The following KDM8 variants were observed in gnomAD, a reference collection of about 807,000 sequenced individuals.
KDM8 encodes the protein bifunctional peptidase and arginyl-hydroxylase JMJD5.
A neutral mutation model predicts 46.9 loss-of-function variants in KDM8; 35 were observed. That is an observed-to-expected ratio of 0.75 (90% confidence interval 0.57 to 0.99). The LOEUF is 0.99. Ranked by LOEUF, KDM8 falls within the 50% of genes least tolerant of loss-of-function variation. KDM8 has a pLI of 0.00. For missense variants in KDM8, 475 were observed against 537.0 expected (o/e 0.88, Z 1.14); for synonymous variants, 232 against 227.7 (o/e 1.02, Z -0.17).
In KDM8 at chr16:27,218,982, A is replaced by G. The variant is rs1210813610; in HGVS notation, c.865A>G (p.Ile289Val). 6.2e-7 allele frequency: 1 copy of G among 1,614,122 alleles called. No homozygotes were observed. The highest frequency in any genetic ancestry group is 1.1e-5 in the South Asian group (1 of 91,072). ...ACAGATCCCGGAGTTGAAGCAGGAC[A>G]TCAGCATCCCCGACTACTGCAGCCT... ...FDQIPELKQD[I>V]SIPDYCSLGD... Residue 289 changes from isoleucine to valine, a missense_variant, in exon 6 of 8, where the codon ATC becomes GTC. Physicochemically the swap from Ile to Val is conservative, Grantham distance 29 (BLOSUM62 3). Coordinates refer to ENST00000286096, the MANE Select transcript of KDM8 (RefSeq NM_024773.3).
At chr16:27,204,182 G>A in intron 1 of KDM8, 2 of 1,492,548 alleles carry the variant, frequency 1.3e-6, no homozygotes, top group East Asian at 2.8e-5. Flanking sequence ...CGGGGTACGG[G>A]GGACCCTCTG....
chr16:27,215,884 G>T, intron 4 of KDM8, 61 bp from the exon 5 acceptor site: 1 of 1,536,400 alleles, frequency 6.5e-7, no homozygotes. Context: ...AGCAGCAGGA[G>T]GGCATCTGTC....
rs1375367931 is a variant in KDM8 at position 27,210,410 on chromosome 16, C to T, written c.287C>T (p.Ala96Val). 6.2e-7 allele frequency: 1 copy of T among 1,608,636 alleles called. No homozygotes were observed. The highest frequency in any genetic ancestry group is 1.1e-5 in the South Asian group (1 of 91,000). The change falls in exon 2 of 8, where the codon GCC (alanine) becomes GTC (valine). Residue 96 changes from alanine (A) to valine (V), a missense_variant. Ala to Val is a moderately conservative substitution (Grantham distance 64). Transcript: ENST00000286096. ...DVDKDWRRVYAIGCLLKALCL... is the reference protein window; with the variant it reads ...DVDKDWRRVYVIGCLLKALCL... ...GACAAAGACTGGCGCCGGGTCTACG[C>T]CATCGGCTGCCTCCTGAAAGCCCTG...
chr16:27,207,312 G>A (rs1008891265), intron 1 of KDM8, among the ~76,000 whole-genome samples: 2 of 152,232 alleles, frequency 1.3e-5, no homozygotes, highest in African/African-American at 2.4e-5. Context: ...CAGAGGCTGA[G>A]GCAGGAGAAT....
At chr16:27,213,884 C>A in intron 3 of KDM8, 133 bp downstream of exon 3, 2 of 842,656 alleles carry the variant, frequency 2.4e-6, no homozygotes, top group Non-Finnish European at 3.6e-6. Flanking sequence ...TGACTGATTG[C>A]CAAGGGGTTA....
At chr16:27,206,955 G>A (rs1469939023) in intron 1 of KDM8, among the ~76,000 whole-genome samples, 1 of 152,242 alleles carries the variant, frequency 6.6e-6, no homozygotes, top group Non-Finnish European at 1.5e-5. Flanking sequence ...GCTAACAGGA[G>A]CCAATGTGAG....
chr16:27,209,155 G>A (rs1386979608), intron 1 of KDM8, among the ~76,000 whole-genome samples: 2 of 152,262 alleles, frequency 1.3e-5, no homozygotes, highest in East Asian at 1.9e-4. Flanking sequence ...AGGAGAGGGT[G>A]CTGAGATCAG....
At chr16:27,216,105 G>C in intron 5 of KDM8, 116 bp downstream of exon 5, 1 of 1,129,814 alleles carries the variant, frequency 8.9e-7, no homozygotes, top group Non-Finnish European at 1.3e-6. Context: ...CAGCAGGTGA[G>C]GCTAGGAAGG....
intron 2 of KDM8, among the ~76,000 whole-genome samples, chr16:27,211,987 T>C (rs2083489000): frequency 6.6e-6 from 1 of 152,156 alleles, no homozygotes; most frequent in Admixed American, 6.5e-5. Context: ...AAAATGCAAG[T>C]GGTTGACACT....
rs761229989 is a variant in KDM8 at position 27,219,011 on chromosome 16, C to T, written c.894C>T (p.Gly298=). The change falls in exon 6 of 8, where the codon GGC becomes GGT. Residue 298 remains glycine (G), a synonymous_variant. Transcript: ENST00000286096. ...GCATCCCCGACTACTGCAGCCTGGGCGATGGGGAGGAGGAGGAAATCACCA... is the reference window on the plus strand; with the variant it reads ...GCATCCCCGACTACTGCAGCCTGGGTGATGGGGAGGAGGAGGAAATCACCA... ...DISIPDYCSL[G]DGEEEEITIN... 10 of 1,613,872 alleles carry T rather than the reference C, an allele frequency of 6.2e-6. No homozygotes were observed. The highest frequency in any genetic ancestry group is 3.3e-5 in the South Asian group (3 of 91,064).
chr16:27,203,973 C>G lies in KDM8; in HGVS notation c.-32+337C>G, dbSNP rs143047424. The G allele has an allele frequency of 2.4e-4, 178 of 748,990 alleles. 1 individual carries two copies. In the African/African-American group the frequency reaches 3.0e-3, roughly 13 times the overall value. The allele number at this position is 748,990 out of a possible 1,614,324, so 46.4% of individuals were successfully genotyped here. The stretch of plus-strand genomic sequence containing the variant: ...TTCTTGGCGTCGCGTTGGTGTAGGC[C>G]TAGTGCGCCTGCGCGGGTTTTATAC... On this transcript the variant is annotated intron_variant, in intron 1 of 7. Transcript: ENST00000286096.
In KDM8 at chr16:27,215,793, A is replaced by G; in HGVS notation, c.799-152A>G. On this transcript the variant is annotated intron_variant, in intron 4 of 7. Transcript: ENST00000286096. ...TGGAGAGGTTCTTTGAAGCTGCCCCAGGGCCTCTAAGGGTTGGAGAGGACC... is the reference window on the plus strand; with the variant it reads ...TGGAGAGGTTCTTTGAAGCTGCCCCGGGGCCTCTAAGGGTTGGAGAGGACC... 1.0e-5 allele frequency: 8 copies of G among 762,538 alleles called. No individual in the cohort carries two copies. The South Asian group carries it at 1.2e-4, about 12-fold the overall frequency. The allele number at this position is 762,538 out of a possible 1,614,324, so 47.2% of individuals were successfully genotyped here.
chr16:27,214,546 A>G lies in KDM8; in HGVS notation c.666-330A>G, dbSNP rs903388704. On this transcript the variant is annotated intron_variant, in intron 3 of 7. Coordinates refer to ENST00000286096, the MANE Select transcript of KDM8 (RefSeq NM_024773.3). ...ACTGCCACCTGCCACGCTGTCCGCT[A>G]TTTGTTCAAAGGTTTCTCAGCTTAG... 15 of 275,874 alleles carry G rather than the reference A, an allele frequency of 5.4e-5. No homozygotes were observed. The Admixed American group carries it at 5.9e-4, about 11-fold the overall frequency. The allele number at this position is 275,874 out of a possible 1,614,324, so 17.1% of individuals were successfully genotyped here.
At chr16:27,204,022 T>A (rs2083402612) in intron 1 of KDM8, 1 of 1,371,232 alleles carries the variant, frequency 7.3e-7, no homozygotes, top group Admixed American at 2.1e-5. Context: ...TGTCCGCTGC[T>A]TTTAGGCAAC....
At chr16:27,216,171 G>A in intron 5 of KDM8, 182 bp downstream of exon 5, 1 of 641,774 alleles carries the variant, frequency 1.6e-6, no homozygotes, top group Non-Finnish European at 2.8e-6. Context: ...AAACACTGGG[G>A]GGTCGCCAGT....
intron 1 of KDM8, chr16:27,204,173 G>T: frequency 6.7e-7 from 1 of 1,498,314 alleles, no homozygotes; most frequent in Non-Finnish European, 8.9e-7. Flanking sequence ...AGGCCAGTGC[G>T]GGGTACGGGG....
At position 27,204,001 on chromosome 16, in the gene KDM8, T is replaced by C; in HGVS notation, c.-32+365T>C. The C allele has an allele frequency of 3.7e-6, 4 of 1,074,570 alleles. No homozygotes were observed. In the South Asian group the frequency reaches 5.8e-5, roughly 16 times the overall value. 66.6% of individuals were successfully genotyped at this position (1,074,570 alleles called of 1,614,324 possible). A position where few individuals can be genotyped will look rare whatever the true frequency, so the allele number is the denominator to read the frequency against. On this transcript the variant is annotated intron_variant, in intron 1 of 7. Coordinates refer to ENST00000286096, the MANE Select transcript of KDM8 (RefSeq NM_024773.3). ...GTGCGCCTGCGCGGGTTTTATACTC[T>C]GCTATATGTGTGTCCGCTGCTTTTA...
chr16:27,211,349 A>T, intron 2 of KDM8: 1 of 377,610 alleles, frequency 2.6e-6, no homozygotes, highest in South Asian at 2.0e-5. Flanking sequence ...ATGAGATACT[A>T]CAACTAGCTG....
intron 1 of KDM8, chr16:27,203,912 C>T (rs2083400204): frequency 5.7e-6 from 3 of 528,510 alleles, no homozygotes; most frequent in South Asian, 5.0e-5. Context: ...TGCGTGAGGG[C>T]AGGCCCTTAC....
Sources: allele counts gnomAD v4.1 joint callset (sites outside exome capture counted in the v4.1 genomes callset), GRCh38; gene constraint gnomAD v4.1.1; transcripts MANE v1.5; gene names NCBI Gene and HGNC (gene_info 2026-07-23, HGNC 2026-07-21).